WNT11: variants seen among roughly 807,000 people sequenced by gnomAD.
WNT11 encodes the protein Wnt family member 11.
In WNT11, 20 loss-of-function variants were observed where a neutral mutation model predicts 35.6. The ratio of observed to expected loss-of-function variants is 0.56; its 90% CI spans 0.40 to 0.82. The LOEUF (loss-of-function observed/expected upper bound fraction) is 0.82, where lower values mean the gene tolerates loss of function less well. Among genes scored for constraint, WNT11 ranks in the 40% least tolerant of loss-of-function variants. WNT11 has a pLI of 0.00. For missense variants in WNT11, 459 were observed against 504.4 expected, an observed-to-expected ratio of 0.91 and a Z score of 0.86; for synonymous variants, 200 against 211.9, an observed-to-expected ratio of 0.94 and a Z score of 0.49.
chr11:76,197,598 C>T (rs1953309057), intron 1 of WNT11, among the ~76,000 whole-genome samples: 1 of 152,128 alleles, frequency 6.6e-6, no homozygotes, highest in South Asian at 2.1e-4. Flanking sequence ...TGTTAAAATT[C>T]AACTCAGGGA....
At chr11:76,203,022 G>C (rs1376361418) in intron 1 of WNT11, among the ~76,000 whole-genome samples, 2 of 152,316 alleles carry the variant, frequency 1.3e-5, no homozygotes, top group African/African-American at 4.8e-5. Flanking sequence ...GCCCTAACAG[G>C]CCTTGGTCTG....
chr11:76,200,256 T>C (rs1953353938), intron 1 of WNT11, among the ~76,000 whole-genome samples: 2 of 152,176 alleles, frequency 1.3e-5, no homozygotes, highest in South Asian at 4.1e-4. Context: ...GATGCCAGCA[T>C]CCGGCACAGG....
rs978453722 is a variant in WNT11, at chr11:76,191,913, C to T, written c.598-57G>A. Reference sequence around the variant, plus strand: ...CCAGAGTCCCCTCCCTGGCCTGACCCGGGACCCCAGCCCCACCCACCCATG... The same window carrying T: ...CCAGAGTCCCCTCCCTGGCCTGACCTGGGACCCCAGCCCCACCCACCCATG... On this transcript the variant is annotated intron_variant, in intron 3 of 4. Coordinates refer to ENST00000322563, the MANE Select transcript of WNT11 (RefSeq NM_004626.3). 9.1e-5 allele frequency: 140 copies of T among 1,535,946 alleles called. No homozygotes were observed. In the Admixed American group the frequency reaches 9.4e-4, roughly 10 times the overall value.
intron 1 of WNT11, among the ~76,000 whole-genome samples, chr11:76,203,881 C>G (rs904922207): frequency 6.6e-6 from 1 of 152,222 alleles, no homozygotes; most frequent in Admixed American, 6.5e-5. Flanking sequence ...TGCTGGGGCT[C>G]CCTGTGCCCA....
At chr11:76,191,986 G>C (rs1591302402) in intron 3 of WNT11, 130 bp from the exon 4 acceptor site, 1 of 1,205,554 alleles carries the variant, frequency 8.3e-7, no homozygotes, top group East Asian at 2.6e-5. Context: ...TGAAGTGATA[G>C]AGCTTTTTGC....
At chr11:76,193,719 C>A (rs147011722) in intron 3 of WNT11, among the ~76,000 whole-genome samples, 1 of 152,324 alleles carries the variant, frequency 6.6e-6, no homozygotes, top group Non-Finnish European at 1.5e-5. Flanking sequence ...GGGGCTGAGC[C>A]GCTGAAGTGC....
intron 1 of WNT11, among the ~76,000 whole-genome samples, chr11:76,198,892 G>C (rs146388993): frequency 6.6e-6 from 1 of 152,296 alleles, no homozygotes; most frequent in African/African-American, 2.4e-5. Context: ...CCAGCACTTT[G>C]GGAGGCCAAG....
upstream of WNT11, chr11:76,210,514 C>T (rs140511052): frequency 4.0e-3 from 3,912 of 985,258 alleles, 131 homozygotes; most frequent in African/African-American, 0.063. Flanking sequence ...GCCCGGGTGC[C>T]CCGGCCTGCC....
intron 1 of WNT11, among the ~76,000 whole-genome samples, chr11:76,202,127 T>A (rs1367984474): frequency 6.6e-6 from 1 of 152,130 alleles, no homozygotes; most frequent in Non-Finnish European, 1.5e-5. Flanking sequence ...AGGTGAGGCT[T>A]CGGCAGAGCT....
upstream of WNT11, chr11:76,210,683 CT>C (rs1260530709): frequency 1.0e-6 from 1 of 984,690 alleles, no homozygotes; most frequent in Non-Finnish European, 1.2e-6. Flanking sequence ...CGGACTCCGG[CT>C]GCTCTCTGCT....
At chr11:76,208,235 G>A (rs1164404224), upstream of WNT11, among the ~76,000 whole-genome samples, 2 of 152,272 alleles carry the variant, frequency 1.3e-5, no homozygotes, top group African/African-American at 4.8e-5. Flanking sequence ...TGGGTAGTCA[G>A]CACGCAGAGA....
chr11:76,186,822 C>T lies in WNT11; in HGVS notation c.*243G>A, dbSNP rs1241306261. 1.6e-6 allele frequency: 1 copy of T among 644,008 alleles called. No individual in the cohort carries two copies. The highest frequency in any genetic ancestry group is 2.1e-5 in the Admixed American group (1 of 47,388). 39.9% of individuals were successfully genotyped at this position (644,008 alleles called of 1,614,324 possible). A position where few individuals can be genotyped will look rare whatever the true frequency, so the allele number is the denominator to read the frequency against. ...ACACCAGCCTGTGGGCACTCCAGAG[C>T]CTCAGGCTGCCAAGTTATTTTTAAT... On this transcript the variant is annotated 3_prime_UTR_variant, in exon 5 of 5. Coordinates refer to ENST00000322563, the MANE Select transcript of WNT11 (RefSeq NM_004626.3).
chr11:76,195,984 C>T (rs772312829), intron 2 of WNT11, among the ~76,000 whole-genome samples: 2 of 152,216 alleles, frequency 1.3e-5, no homozygotes, highest in Non-Finnish European at 2.9e-5. Context: ...CCAGAAGCCA[C>T]CTCCTGCAGG....
At chr11:76,206,190 G>C in intron 1 of WNT11, 135 bp downstream of exon 1, 4 of 744,516 alleles carry the variant, frequency 5.4e-6, no homozygotes, top group Non-Finnish European at 7.7e-6. Context: ...GAGGCTGAGG[G>C]ATGACTTGCC....
At position 76,194,801 on chromosome 11, in the gene WNT11, GGCGGCGGCCGACA is replaced by G. The variant is rs1160458074; in HGVS notation, c.350_362del (p.Leu117ProfsTer56). On this transcript the variant is annotated frameshift_variant, in exon 3 of 5. Coordinates refer to ENST00000322563, the MANE Select transcript of WNT11 (RefSeq NM_004626.3). LOFTEE classifies it high-confidence loss of function. The surrounding 1 kb of genome is among the most constrained non-coding windows in gnomAD (Gnocchi z 5.4). Reference sequence around the variant, plus strand: ...AGGCCCGGGCGATGGCGTGGCTGATGGCGGCGGCCGACAGCGCATACACGAAGGCCGACTCCCG... The same window carrying G: ...AGGCCCGGGCGATGGCGTGGCTGATGGCGCATACACGAAGGCCGACTCCCG... 2 of 1,549,372 alleles carry G rather than the reference GGCGGCGGCCGACA, an allele frequency of 1.3e-6. No individual in the cohort carries two copies. The highest frequency in any genetic ancestry group is 2.7e-5 in the African/African-American group (2 of 73,260).
In WNT11 at chr11:76,187,239, C is replaced by T. The variant is rs544757512; in HGVS notation, c.891G>A (p.Arg297=). ...TTCCGTTGGATGTCTTGTTGCACTG[C>T]CTATTGTGGGGGCAGGAAGGAGGTC... is the stretch of plus-strand genomic sequence containing the variant. ...EKVGSHGTQD[R]QCNKTSNGSD... Residue 297 remains arginine, a splice_region_variant and synonymous_variant, in exon 5 of 5, where the codon AGG becomes AGA. Transcript: ENST00000322563. 2 of 1,600,786 alleles carry T rather than the reference C, an allele frequency of 1.2e-6. No homozygotes were observed.
chr11:76,187,804 T>C (rs564786675), intron 4 of WNT11, among the ~76,000 whole-genome samples: 1 of 152,278 alleles, frequency 6.6e-6, no homozygotes, highest in East Asian at 1.9e-4. Context: ...GTCTTGGAGA[T>C]AGCTTTTTTC....
upstream of WNT11, chr11:76,210,457 G>A: frequency 2.0e-6 from 2 of 985,302 alleles, no homozygotes. Context: ...CCCGCTGCCC[G>A]CGACCACTGC....
At chr11:76,192,087 C>A (rs1953194757) in intron 3 of WNT11, among the ~76,000 whole-genome samples, 1 of 152,156 alleles carries the variant, frequency 6.6e-6, no homozygotes, top group Admixed American at 6.5e-5. Flanking sequence ...GATAGGGATG[C>A]CATTGTTTAG....
Sources: gnomAD v4.1 joint callset for allele counts (sites outside exome capture counted in the v4.1 genomes callset) on GRCh38, gnomAD v4.1.1 for gene constraint, Gnocchi (gnomAD v3.1) non-coding constraint, MANE v1.5 for transcripts, NCBI Gene and HGNC (gene_info 2026-07-23, HGNC 2026-07-21) for gene names.